The following ARSB variants were observed in gnomAD, a reference collection of about 807,000 sequenced individuals.
ARSB encodes the protein arylsulfatase B.
Under a neutral mutation model 50.9 loss-of-function variants are expected in ARSB, and 41 were observed. The observed-to-expected ratio is 0.81, with a 90% confidence interval of 0.63 to 1.04. The LOEUF (loss-of-function observed/expected upper bound fraction) is 1.04. Among genes scored for constraint, ARSB ranks in the 50% least tolerant of loss-of-function variants. The probability of loss-of-function intolerance (pLI) is 0.00; values close to 1 mark genes in which losing one functional copy is unlikely to be tolerated. For synonymous variants in ARSB, 269 were observed against 284.8 expected (o/e 0.94, Z 0.56); for missense variants, 672 against 693.3 (o/e 0.97, Z 0.35).
intron 1 of ARSB, among the ~76,000 whole-genome samples, chr5:78,975,546 A>G (rs1752628640): frequency 6.6e-6 from 1 of 152,178 alleles, no homozygotes; most frequent in Non-Finnish European, 1.5e-5. Flanking sequence ...AGGTTTATGG[A>G]GTTCTGGTGG....
intron 4 of ARSB, among the ~76,000 whole-genome samples, chr5:78,924,570 C>T (rs1338776794): frequency 1.3e-5 from 2 of 152,174 alleles, no homozygotes; most frequent in African/African-American, 4.8e-5. Flanking sequence ...CTACTATTAA[C>T]AATATTTTCC....
At chr5:78,984,812 C>T (rs1246923247) in intron 1 of ARSB, 125 bp downstream of exon 1, 4 of 727,110 alleles carry the variant, frequency 5.5e-6, no homozygotes, top group Non-Finnish European at 7.3e-6. Context: ...CGCCGGGACC[C>T]ATAACTGGGT....
intron 4 of ARSB, among the ~76,000 whole-genome samples, chr5:78,941,744 T>C (rs1386756747): frequency 6.6e-6 from 1 of 152,150 alleles, no homozygotes; most frequent in Non-Finnish European, 1.5e-5. Context: ...TAAAATTCTC[T>C]TTTTTGGTTG....
At chr5:78,787,578 A>G (rs1182354001) in intron 6 of ARSB, among the ~76,000 whole-genome samples, 1 of 152,244 alleles carries the variant, frequency 6.6e-6, no homozygotes. Context: ...TGAAGTGATG[A>G]GCAAAGAGAC....
intron 1 of ARSB, among the ~76,000 whole-genome samples, chr5:78,970,023 C>T (rs1279444989): frequency 1.3e-5 from 2 of 152,166 alleles, no homozygotes; most frequent in Non-Finnish European, 2.9e-5. Context: ...TAAAAAGCGG[C>T]CATCTGACTG....
chr5:78,791,528 G>A (rs1300328603), intron 6 of ARSB, among the ~76,000 whole-genome samples: 2 of 152,184 alleles, frequency 1.3e-5, no homozygotes, highest in Non-Finnish European at 2.9e-5. Flanking sequence ...GAGCCCGTGA[G>A]TCCCCCTCCC....
intron 5 of ARSB, among the ~76,000 whole-genome samples, chr5:78,848,020 T>C (rs1019990407): frequency 2.6e-5 from 4 of 151,600 alleles, no homozygotes; most frequent in Non-Finnish European, 5.9e-5. Flanking sequence ...ATTTCATCGA[T>C]CTTTTGTATT....
intron 6 of ARSB, among the ~76,000 whole-genome samples, chr5:78,787,138 A>ATCTATC (rs3035252): frequency 0.043 from 4,799 of 112,246 alleles, 95 homozygotes; most frequent in African/African-American, 0.05. Context: ...ATCTATCTAT[A>ATCTATC]TAGATACAGG....
At chr5:78,931,792 T>C (rs1750338068) in intron 4 of ARSB, among the ~76,000 whole-genome samples, 1 of 152,080 alleles carries the variant, frequency 6.6e-6, no homozygotes, top group Admixed American at 6.5e-5. Context: ...TCCCCAGGTG[T>C]TGAAGAAGGG....
intron 5 of ARSB, among the ~76,000 whole-genome samples, chr5:78,854,528 T>C (rs1272095103): frequency 2.0e-5 from 3 of 152,248 alleles, no homozygotes; most frequent in Non-Finnish European, 4.4e-5. Flanking sequence ...TTCCATGTGT[T>C]TGTAAAATTT....
intron 6 of ARSB, among the ~76,000 whole-genome samples, chr5:78,784,495 AAG>A (rs1228102323): frequency 4.6e-5 from 7 of 152,208 alleles, no homozygotes; most frequent in Admixed American, 1.3e-4. Context: ...ATCCACAAAA[AAG>A]AGTTTGTTGG....
At chr5:78,838,154 C>T (rs954392400) in intron 6 of ARSB, among the ~76,000 whole-genome samples, 2 of 152,100 alleles carry the variant, frequency 1.3e-5, no homozygotes, top group East Asian at 1.9e-4. Context: ...GGCACAAACA[C>T]GAACATGTGA....
chr5:78,922,364 A>T (rs1749857151), intron 4 of ARSB, among the ~76,000 whole-genome samples: 1 of 152,064 alleles, frequency 6.6e-6, no homozygotes. Flanking sequence ...GCTCAGCCAC[A>T]GCAGGATAGG....
intron 4 of ARSB, among the ~76,000 whole-genome samples, chr5:78,895,926 G>A (rs1252315344): frequency 1.3e-5 from 2 of 152,212 alleles, no homozygotes; most frequent in Admixed American, 6.5e-5. Context: ...CTGCCCCCAG[G>A]ACTGGATCTA....
chr5:78,914,048 A>G (rs542917519), intron 4 of ARSB, among the ~76,000 whole-genome samples: 6 of 151,582 alleles, frequency 4.0e-5, no homozygotes, highest in African/African-American at 1.2e-4. Context: ...TTGTAACCTC[A>G]AACTCCTGGG....
chr5:78,827,904 AG>A (rs1442710117), intron 6 of ARSB, among the ~76,000 whole-genome samples: 1 of 151,954 alleles, frequency 6.6e-6, no homozygotes, highest in Non-Finnish European at 1.5e-5. Context: ...CCGGTCAAAC[AG>A]GAAGTGCTGA....
intron 4 of ARSB, among the ~76,000 whole-genome samples, chr5:78,940,768 GC>G (rs1268156290): frequency 2.0e-5 from 3 of 152,104 alleles, no homozygotes; most frequent in African/African-American, 7.2e-5. Flanking sequence ...GGCAATGCGG[GC>G]TCATTTTGGT....
intron 5 of ARSB, chr5:78,884,136 T>A (rs566425860): frequency 3.3e-5 from 5 of 152,308 alleles, no homozygotes; most frequent in African/African-American, 9.6e-5. Context: ...GGATACTTCA[T>A]CTACAGAAGG....
chr5:78,836,169 CT>C (rs1309846709), intron 6 of ARSB, among the ~76,000 whole-genome samples: 2 of 152,278 alleles, frequency 1.3e-5, no homozygotes, highest in South Asian at 4.1e-4. Flanking sequence ...AAAGACAGCT[CT>C]TCTTGTTTCT....
Sources: gnomAD v4.1 joint callset for allele counts (sites outside exome capture counted in the v4.1 genomes callset) on GRCh38, gnomAD v4.1.1 for gene constraint, MANE v1.5 for transcripts, NCBI Gene and HGNC (gene_info 2026-07-23, HGNC 2026-07-21) for gene names.